SREBF1: variants seen among roughly 807,000 people sequenced by gnomAD.
SREBF1 encodes sterol regulatory element-binding protein 1.
Under a neutral mutation model 100.1 loss-of-function variants are expected in SREBF1, and 45 were observed. That is an observed-to-expected ratio of 0.45 (90% CI 0.35 to 0.58). The LOEUF (loss-of-function observed/expected upper bound fraction) is 0.58, where lower values mean the gene tolerates loss of function less well. Among genes scored for constraint, SREBF1 ranks in the 20% least tolerant of loss-of-function variants. SREBF1 has a pLI of 0.00. For missense variants in SREBF1, 1,324 were observed against 1,539.4 expected (o/e 0.86, Z 2.34); for synonymous variants, 657 against 681.8 (o/e 0.96, Z 0.57).
chr17:17,813,868 C>T, intron 16 of SREBF1, 99 bp from the exon 17 acceptor site: 1 of 1,242,634 alleles, frequency 8.0e-7, no homozygotes. Context: ...GGCTGCACTG[C>T]CGAGGCACTG....
Position 17,816,296 on chromosome 17 carries a change from C to T in SREBF1, c.2125G>A (p.Ala709Thr). The T allele has an allele frequency of 1.9e-6, 3 of 1,595,554 alleles. No individual in the cohort carries two copies. Among genetic ancestry groups the T allele is most frequent in the Non-Finnish European group, 2.6e-6 (3 of 1,173,300 alleles). The change falls in exon 11 of 19, where the codon GCC becomes ACC. Residue 709 changes from alanine to threonine, a missense_variant. Ala to Thr is a moderately conservative substitution (Grantham distance 58). Coordinates refer to ENST00000261646, the MANE Select transcript of SREBF1 (RefSeq NM_004176.5). ...ALNLAECAGD[A>T]VSVATLAEIY... ...TCGGCCAGCGTCGCCACAGACACGG[C>T]ATCCCCTGCACACTCTGCCAGGTTC...
chr17:17,836,875 T>C lies in SREBF1; in HGVS notation c.-58A>G. On this transcript the variant is annotated 5_prime_UTR_variant, in exon 1 of 19. Transcript: ENST00000261646. ...GCCCGCCGCCTCGTACGGCCCTTCC[T>C]AGGGAGCGCCGCCGCGGCCCCGGCT... The C allele has an allele frequency of 1.4e-6, 2 of 1,430,060 alleles. No individual in the cohort carries two copies. Among genetic ancestry groups the C allele is most frequent in the Non-Finnish European group, 1.8e-6 (2 of 1,090,342 alleles). 88.6% of individuals were successfully genotyped at this position (1,430,060 alleles called of 1,614,324 possible).
chr17:17,815,658 A>G, intron 12 of SREBF1: 1 of 624,408 alleles, frequency 1.6e-6, no homozygotes, highest in Non-Finnish European at 2.8e-6. Context: ...TCTGCCCATC[A>G]ATCCCTGCAT....
rs373675923 is a variant in SREBF1 at position 17,817,437 on chromosome 17, C to A, written c.1425G>T (p.Pro475=). The A allele has an allele frequency of 2.5e-6, 4 of 1,587,878 alleles. No homozygotes were observed. The Admixed American group carries it at 7.0e-5, about 28-fold the overall frequency. ...CCAGCATGCCCCGGCTGTGCAGAGA[C>A]GGCCGCTGCTCTGGCTTTGCCTGGT... ...EDSKAKPEQR[P]SLHSRGMLDR... is the part of the protein sequence containing the mutation. Residue 475 remains proline, a synonymous_variant, in exon 8 of 19, where the codon CCG becomes CCT. Coordinates refer to ENST00000261646, the MANE Select transcript of SREBF1 (RefSeq NM_004176.5). This position sits in a 1 kb window ranked among gnomAD's most constrained non-coding sequence, Gnocchi z 6.6.
chr17:17,819,597 C>G lies in SREBF1; in HGVS notation c.652G>C (p.Ala218Pro). The change falls in exon 3 of 19, where the codon GCT (alanine) becomes CCT (proline). Residue 218 changes from alanine (A) to proline (P), a missense_variant. By Grantham distance (27) the Ala-to-Pro change is conservative. Coordinates refer to ENST00000261646, the MANE Select transcript of SREBF1 (RefSeq NM_004176.5). The stretch of plus-strand genomic sequence containing the variant: ...GTTACAGGGGCTGCCGTGGGGGCAG[C>G]TGTGACTGTCAGTAGCTGCTGGGGG... ...VVPQQLLTVT[A>P]APTAAPVTTT... is the part of the protein sequence containing the mutation. The G allele has an allele frequency of 1.2e-6, 2 of 1,613,738 alleles. No individual in the cohort carries two copies. The highest frequency in any genetic ancestry group is 1.7e-6 in the Non-Finnish European group (2 of 1,179,922).
intron 1 of SREBF1, among the ~76,000 whole-genome samples, chr17:17,834,856 T>C (rs929030944): frequency 4.6e-5 from 7 of 151,954 alleles, no homozygotes; most frequent in South Asian, 2.1e-4. Flanking sequence ...CTACTAAAAA[T>C]ACAAAAAATT....
intron 1 of SREBF1, among the ~76,000 whole-genome samples, chr17:17,830,092 C>T (rs1465401446): frequency 6.6e-6 from 1 of 152,260 alleles, no homozygotes; most frequent in Non-Finnish European, 1.5e-5. Flanking sequence ...CCTGGTACAT[C>T]CTAGAAACTT....
At chr17:17,835,439 T>C (rs558531896) in intron 1 of SREBF1, among the ~76,000 whole-genome samples, 11 of 152,260 alleles carry the variant, frequency 7.2e-5, no homozygotes, top group Non-Finnish European at 1.0e-4. Context: ...GGGAAGCTTC[T>C]GGGGCTGGCA....
At chr17:17,831,748 C>T (rs1022563536) in intron 1 of SREBF1, among the ~76,000 whole-genome samples, 2 of 152,234 alleles carry the variant, frequency 1.3e-5, no homozygotes, top group Non-Finnish European at 2.9e-5. Flanking sequence ...CAGAAGGAGA[C>T]AGGCTCACCT....
At position 17,817,183 on chromosome 17, in the gene SREBF1, A is replaced by C; in HGVS notation, c.1607-47T>G. 6.2e-7 allele frequency: 1 copy of C among 1,612,398 alleles called. No homozygotes were observed. Among genetic ancestry groups the C allele is most frequent in the Non-Finnish European group, 8.5e-7 (1 of 1,179,622 alleles). On this transcript the variant is annotated intron_variant, in intron 8 of 18. Transcript: ENST00000261646. The surrounding 1 kb of genome is among the most constrained non-coding windows in gnomAD (Gnocchi z 6.6). ...GGGACACAGCTCCCAGGAAATCCAGAGCCCCAAGTTCACAAGCCTGGGGGC... is the reference window on the plus strand; with the variant it reads ...GGGACACAGCTCCCAGGAAATCCAGCGCCCCAAGTTCACAAGCCTGGGGGC...
chr17:17,835,494 G>A (rs1269924073), intron 1 of SREBF1, among the ~76,000 whole-genome samples: 3 of 152,194 alleles, frequency 2.0e-5, no homozygotes, highest in Non-Finnish European at 4.4e-5. Flanking sequence ...CAGGAGTGGT[G>A]GTGGCATAGA....
intron 5 of SREBF1, chr17:17,818,776 A>G (rs573153563): frequency 6.6e-6 from 4 of 605,422 alleles, no homozygotes; most frequent in Non-Finnish European, 1.2e-5. Flanking sequence ...TTGAGGGACA[A>G]TTTTTGTCTG....
chr17:17,823,462 C>A, intron 1 of SREBF1: 6 of 1,331,154 alleles, frequency 4.5e-6, no homozygotes, highest in Non-Finnish European at 6.5e-6. Flanking sequence ...CCCAGGAGAA[C>A]CTGCAGGAGA....
intron 1 of SREBF1, chr17:17,823,402 G>C (rs766463702): frequency 2.4e-6 from 2 of 842,132 alleles, no homozygotes; most frequent in Non-Finnish European, 4.1e-6. Flanking sequence ...CTTCTCCCTC[G>C]GGAAGGGGCT....
intron 16 of SREBF1, 132 bp from the exon 17 acceptor site, chr17:17,813,901 T>C (rs2033240623): frequency 1.0e-6 from 1 of 976,238 alleles, no homozygotes; most frequent in Non-Finnish European, 1.5e-6. Context: ...ACACGTGCAA[T>C]GCAACAGCAA....
Position 17,815,250 on chromosome 17 carries a change from G to C in SREBF1, c.2463C>G (p.Asn821Lys). Residue 821 changes from asparagine to lysine, a missense_variant, in exon 13 of 19, where the codon AAC becomes AAG. Coordinates refer to ENST00000261646, the MANE Select transcript of SREBF1 (RefSeq NM_004176.5). ...ERALNCVTQP[N>K]PSPGSADGDK... Reference sequence around the variant, plus strand: ...CCCCATCAGCTGACCCAGGGCTGGGGTTGGGCTGGGTCACACAGTTCAGTG... The same window carrying C: ...CCCCATCAGCTGACCCAGGGCTGGGCTTGGGCTGGGTCACACAGTTCAGTG... 1 of 1,613,696 alleles carries C rather than the reference G, an allele frequency of 6.2e-7. No homozygotes were observed. The highest frequency in any genetic ancestry group is 8.5e-7 in the Non-Finnish European group (1 of 1,180,012).
At chr17:17,813,147 G>C (rs1440817474) in intron 18 of SREBF1, 3 of 534,786 alleles carry the variant, frequency 5.6e-6, no homozygotes, top group Non-Finnish European at 9.7e-6. Context: ...TTTTTTTTTT[G>C]AGACAGGGAC....
intron 6 of SREBF1, 88 bp from the exon 7 acceptor site, chr17:17,818,004 C>G (rs2033773946): frequency 7.4e-7 from 1 of 1,356,686 alleles, no homozygotes; most frequent in Non-Finnish European, 1.0e-6. Context: ...CTAGGGACTA[C>G]TGTAGCTCCT....
At position 17,811,421 on chromosome 17, in the gene SREBF1, AG is replaced by A. The variant is rs2032814111; in HGVS notation, c.*1200del. The A allele has an allele frequency of 1.5e-5, 3 of 202,518 alleles. No homozygotes were observed. Among genetic ancestry groups the A allele is most frequent in the South Asian group, 5.5e-5 (1 of 18,294 alleles). 12.5% of individuals were successfully genotyped at this position (202,518 alleles called of 1,614,324 possible). A position where few individuals can be genotyped will look rare whatever the true frequency, so the allele number is the denominator to read the frequency against. On this transcript the variant is annotated 3_prime_UTR_variant, in exon 19 of 19. Coordinates refer to ENST00000261646, the MANE Select transcript of SREBF1 (RefSeq NM_004176.5). The stretch of plus-strand genomic sequence containing the variant: ...GCATTCAGAAAAAAAAAAAAAAAAA[AG>A]TCAATAAAGATACAACGATTGTTTT...
Sources: gnomAD v4.1 joint callset for allele counts (sites outside exome capture counted in the v4.1 genomes callset) on GRCh38, gnomAD v4.1.1 for gene constraint, Gnocchi (gnomAD v3.1) non-coding constraint, MANE v1.5 for transcripts, NCBI Gene and HGNC (gene_info 2026-07-23, HGNC 2026-07-21) for gene names.